Variants in H2AZ2 observed in about 807,000 individuals in gnomAD.
H2AZ2 encodes the protein H2A.Z variant histone 2.
A neutral mutation model predicts 15.5 loss-of-function variants in H2AZ2; 5 were observed. The observed-to-expected ratio is 0.32, with a 90% confidence interval of 0.17 to 0.68. The LOEUF is 0.68. Among genes scored for constraint, H2AZ2 ranks in the 30% least tolerant of loss-of-function variants. The probability of loss-of-function intolerance (pLI) is 0.72; values close to 1 mark genes in which losing one functional copy is unlikely to be tolerated. For missense variants in H2AZ2, 42 were observed against 162.5 expected (o/e 0.26, Z 4.03); for synonymous variants, 44 against 57.4 (o/e 0.77, Z 1.05).
chr7:44,848,033 C>A lies in H2AZ2; in HGVS notation c.-62G>T, dbSNP rs1793461522. The A allele has an allele frequency of 1.8e-6, 2 of 1,123,354 alleles. No individual in the cohort carries two copies. Among genetic ancestry groups the A allele is most frequent in the Non-Finnish European group, 2.3e-6 (2 of 880,296 alleles). The allele number at this position is 1,123,354 out of a possible 1,614,324, so 69.6% of individuals were successfully genotyped here. A position where few individuals can be genotyped will look rare whatever the true frequency, so the allele number is the denominator to read the frequency against. ...GCCCTCCCGCTGCCGACCCGCGCCG[C>A]CGCCGCCGCTCTCGCAGCACCGACC... is the stretch of plus-strand genomic sequence containing the variant. On this transcript the variant is annotated 5_prime_UTR_variant, in exon 1 of 5. Coordinates refer to ENST00000308153, the MANE Select transcript of H2AZ2 (RefSeq NM_012412.5).
chr7:44,843,024 A>G (rs1793309814), intron 2 of H2AZ2, among the ~76,000 whole-genome samples: 1 of 151,654 alleles, frequency 6.6e-6, no homozygotes, highest in Non-Finnish European at 1.5e-5. Flanking sequence ...CTGCAGTCCC[A>G]GCTATGTGGG....
intron 3 of H2AZ2, among the ~76,000 whole-genome samples, chr7:44,837,845 T>G (rs1454177879): frequency 2.5e-5 from 3 of 117,750 alleles, no homozygotes; most frequent in African/African-American, 8.6e-5. Flanking sequence ...GGGGGGGGCT[T>G]AGATAGATGG....
intron 1 of H2AZ2, among the ~76,000 whole-genome samples, chr7:44,846,084 GA>G (rs1793398684): frequency 6.6e-6 from 1 of 150,902 alleles, no homozygotes; most frequent in Non-Finnish European, 1.5e-5. Flanking sequence ...GAGAGAGAGA[GA>G]GAGGAGGAAG....
chr7:44,844,726 T>C (rs1352600361), intron 1 of H2AZ2, among the ~76,000 whole-genome samples: 1 of 152,170 alleles, frequency 6.6e-6, no homozygotes, highest in African/African-American at 2.4e-5. Context: ...GCAGTGATGG[T>C]TGCACACTAT....
intron 1 of H2AZ2, among the ~76,000 whole-genome samples, chr7:44,845,745 A>G (rs1055597047): frequency 3.2e-4 from 48 of 152,152 alleles, no homozygotes; most frequent in Non-Finnish European, 1.5e-4. Flanking sequence ...AAAAGCCTCA[A>G]TCCATTAAAT....
Position 44,832,161 on chromosome 7 carries a change from A to C in H2AZ2, c.*2340T>G, listed in dbSNP as rs944442166. ...TATATTAACAAAATGCAAGATCTAGATCTTGCCTGGATCTTGACTCGAATA... is the reference window on the plus strand; with the variant it reads ...TATATTAACAAAATGCAAGATCTAGCTCTTGCCTGGATCTTGACTCGAATA... On this transcript the variant is annotated 3_prime_UTR_variant, in exon 5 of 5. Transcript: ENST00000308153. 6.6e-6 allele frequency among the ~76,000 whole-genome samples: 1 copy of C among 152,212 alleles called. No individual in the cohort carries two copies. Among genetic ancestry groups the C allele is most frequent in the Non-Finnish European group, 1.5e-5 (1 of 68,038 alleles).
intron 3 of H2AZ2, among the ~76,000 whole-genome samples, chr7:44,837,433 GAAAAA>G (rs71011996): frequency 3.4e-5 from 3 of 87,270 alleles, no homozygotes; most frequent in Admixed American, 1.6e-4. Flanking sequence ...AAAAAAAAAA[GAAAAA>G]AAAAAAAAAA....
rs1235746242 is a variant in H2AZ2 at position 44,832,488 on chromosome 7, A to G, written c.*2013T>C. 6.6e-6 allele frequency among the ~76,000 whole-genome samples: 1 copy of G among 152,168 alleles called. No individual in the cohort carries two copies. The highest frequency in any genetic ancestry group is 1.5e-5 in the Non-Finnish European group (1 of 68,032). On this transcript the variant is annotated 3_prime_UTR_variant, in exon 5 of 5. Transcript: ENST00000308153. ...TGGGTACACAGAGCTTCATTCTGCT[A>G]TTCTTTTTGTGCATTTGTGAAAATT...
chr7:44,837,484 A>G (rs1793156933), intron 3 of H2AZ2, among the ~76,000 whole-genome samples: 1 of 147,018 alleles, frequency 6.8e-6, no homozygotes, highest in Admixed American at 6.8e-5. Flanking sequence ...TCATTGTCCA[A>G]TCTTAACCTA....
chr7:44,837,418 C>CAA (rs1365895034), intron 3 of H2AZ2, among the ~76,000 whole-genome samples: 12 of 38,458 alleles, frequency 3.1e-4, no homozygotes, highest in East Asian at 9.9e-4. Flanking sequence ...GCAAGACTCT[C>CAA]AAAAAAAAAA....
Position 44,833,611 on chromosome 7 carries a change from G to A in H2AZ2, c.*890C>T, listed in dbSNP as rs540596574. The stretch of plus-strand genomic sequence containing the variant: ...AGTGTTCCACCAGCCTCGGTCTCCC[G>A]AAGTGTTGGGATTACAGGCGTAAAC... On this transcript the variant is annotated 3_prime_UTR_variant, in exon 5 of 5. Transcript: ENST00000308153. The A allele has an allele frequency of 3.4e-5, 28 of 823,234 alleles. No individual in the cohort carries two copies. The highest frequency in any genetic ancestry group is 5.5e-5 in the South Asian group (1 of 18,106). The allele number at this position is 823,234 out of a possible 1,614,324, so 51.0% of individuals were successfully genotyped here. A position where few individuals can be genotyped will look rare whatever the true frequency, so the allele number is the denominator to read the frequency against.
chr7:44,828,427 T>C (rs1792954866), downstream of H2AZ2: 1 of 152,190 alleles, frequency 6.6e-6, no homozygotes, highest in Admixed American at 6.5e-5. Flanking sequence ...TTGGAACTCT[T>C]TGAGCACCAG....
At chr7:44,841,047 G>C in intron 2 of H2AZ2, 35 bp from the exon 3 acceptor site, 1 of 1,455,678 alleles carries the variant, frequency 6.9e-7, no homozygotes, top group Non-Finnish European at 9.6e-7. Context: ...AAGCACTGCA[G>C]AGTCTTAACA....
chr7:44,837,146 C>T (rs1793144570), intron 3 of H2AZ2, among the ~76,000 whole-genome samples: 1 of 152,052 alleles, frequency 6.6e-6, no homozygotes, highest in African/African-American at 2.4e-5. Flanking sequence ...TTGTGATCTG[C>T]CCGCCTTGGC....
intron 4 of H2AZ2, among the ~76,000 whole-genome samples, 168 bp from the exon 5 acceptor site, chr7:44,834,730 C>T (rs144669216): frequency 1.8e-3 from 268 of 151,122 alleles, no homozygotes; most frequent in Non-Finnish European, 3.3e-3. Flanking sequence ...CCCTTTAAAA[C>T]TGTATGTAAA....
intron 3 of H2AZ2, among the ~76,000 whole-genome samples, 180 bp downstream of exon 3, chr7:44,840,719 C>T (rs1337213672): frequency 6.6e-6 from 1 of 152,110 alleles, no homozygotes; most frequent in Non-Finnish European, 1.5e-5. Flanking sequence ...TGCAGTGAGC[C>T]GAGACTGGCC....
At chr7:44,830,458 C>T (rs1035297120), downstream of H2AZ2, among the ~76,000 whole-genome samples, 5 of 152,172 alleles carry the variant, frequency 3.3e-5, no homozygotes, top group African/African-American at 9.7e-5. Context: ...TTACAACTCC[C>T]TATATAAATG....
rs112896322 is a variant in H2AZ2, at chr7:44,832,227, T to C, written c.*2274A>G. Among the ~76,000 whole-genome samples the C allele has an allele frequency of 2.0e-5, 3 of 152,284 alleles. No homozygotes were observed. The highest frequency in any genetic ancestry group is 2.9e-5 in the Non-Finnish European group (2 of 68,014). ...AAAACTTACGAGACAATCAGGAAGT[T>C]TGAATATTGACTGGTACTTGGCATC... On this transcript the variant is annotated 3_prime_UTR_variant, in exon 5 of 5. Coordinates refer to ENST00000308153, the MANE Select transcript of H2AZ2 (RefSeq NM_012412.5).
chr7:44,828,728 C>T (rs1185442111), downstream of H2AZ2: 4 of 152,234 alleles, frequency 2.6e-5, no homozygotes, highest in Non-Finnish European at 5.9e-5. Flanking sequence ...TGGCTTTAAA[C>T]TAAGTTTCTG....
Sources: allele counts gnomAD v4.1 joint callset (sites outside exome capture counted in the v4.1 genomes callset), GRCh38; gene constraint gnomAD v4.1.1; transcripts MANE v1.5; gene names NCBI Gene and HGNC (gene_info 2026-07-23, HGNC 2026-07-21).